IPO9: variants seen among roughly 807,000 people sequenced by gnomAD.
IPO9 encodes the protein importin 9, also known as importin-9.
In IPO9, 28 loss-of-function variants were observed where a neutral mutation model predicts 128.6. The ratio of observed to expected loss-of-function variants is 0.22; its 90% CI spans 0.16 to 0.30. The LOEUF is 0.30. Among genes scored for constraint, IPO9 ranks in the 10% least tolerant of loss-of-function variants. IPO9 has a pLI of 1.00. For synonymous variants in IPO9, 455 were observed against 475.8 expected (o/e 0.96, Z 0.57); for missense variants, 935 against 1,293.9 (o/e 0.72, Z 4.26).
Position 201,858,984 on chromosome 1 carries a change from C to T in IPO9, c.1458C>T (p.Leu486=), listed in dbSNP as rs1680385033. ...TGACCAATGTCATCCTTGCAGACCTCAACCTCTCAGGTATGTTTCAGCACG... is the reference window on the plus strand; with the variant it reads ...TGACCAATGTCATCCTTGCAGACCTTAACCTCTCAGGTATGTTTCAGCACG... ...GFLTNVILAD[L]NLSVSPFLLG... Residue 486 remains leucine, a synonymous_variant, in exon 13 of 24, where the codon CTC becomes CTT. Coordinates refer to ENST00000361565, the MANE Select transcript of IPO9 (RefSeq NM_018085.5). 6.2e-7 allele frequency: 1 copy of T among 1,606,932 alleles called. No homozygotes were observed. The highest frequency in any genetic ancestry group is 2.2e-5 in the East Asian group (1 of 44,636).
intron 12 of IPO9, 133 bp downstream of exon 12, chr1:201,858,686 A>T (rs961007712): frequency 3.7e-6 from 3 of 806,186 alleles, no homozygotes; most frequent in Admixed American, 3.1e-5. Flanking sequence ...ATCTCTTATT[A>T]TTAAAATTTC....
In IPO9 at chr1:201,829,815, AGGC is replaced by A. The variant is rs940680443; in HGVS notation, c.163+447_163+449del. 5.3e-4 allele frequency among the ~76,000 whole-genome samples: 80 copies of A among 152,268 alleles called. 1 individual carries two copies. Among genetic ancestry groups the A allele is most frequent in the African/African-American group, 1.9e-3 (79 of 41,556 alleles). On this transcript the variant is annotated intron_variant, in intron 1 of 23. Coordinates refer to ENST00000361565, the MANE Select transcript of IPO9 (RefSeq NM_018085.5). ...AGTGGTGAAGGGTAGGGCCTCGAAA[AGGC>A]GGCTATCAAAGCTTAATAGATGTCA...
rs1277260808 is a variant in IPO9 at position 201,870,536 on chromosome 1, A to G, written c.2134-47A>G. 6.3e-7 allele frequency: 1 copy of G among 1,584,384 alleles called. No individual in the cohort carries two copies. The highest frequency in any genetic ancestry group is 1.7e-5 in the Admixed American group (1 of 57,950). On this transcript the variant is annotated intron_variant, in intron 17 of 23. Coordinates refer to ENST00000361565, the MANE Select transcript of IPO9 (RefSeq NM_018085.5). The surrounding 1 kb of genome is among the most constrained non-coding windows in gnomAD (Gnocchi z 4.9). ...TTATACAGACTGAGGGCCTTCTGGC[A>G]TCTGTCCCTCGATTACTAATCTTGC...
rs1223038265 is a variant in IPO9 at position 201,881,631 on chromosome 1, G to C, written c.*5577G>C. ...GATTGTGAAGGATCCTTCAAGACCT[G>C]CTTCCTCTAGAGAATGGGAGACTAC... On this transcript the variant is annotated 3_prime_UTR_variant, in exon 24 of 24. Transcript: ENST00000361565. 6.6e-6 allele frequency: 1 copy of C among 152,206 alleles called. No homozygotes were observed. The highest frequency in any genetic ancestry group is 2.4e-5 in the African/African-American group (1 of 41,440). The allele number at this position is 152,206 out of a possible 1,614,324, so 9.4% of individuals were successfully genotyped here.
At chr1:201,874,519 T>A in intron 21 of IPO9, 147 bp downstream of exon 21, 1 of 904,394 alleles carries the variant, frequency 1.1e-6, no homozygotes, top group Middle Eastern at 3.3e-4. Context: ...TGCTAGGCAC[T>A]AGGCATGTAG....
Position 201,852,579 on chromosome 1 carries a change from A to G in IPO9, c.603+387A>G, listed in dbSNP as rs74430074. ...ATAATAGACCCTTAATATATTGCAT[A>G]TATATTTGATTAGTGTGTATATGAA... On this transcript the variant is annotated intron_variant, in intron 5 of 23. Transcript: ENST00000361565. Among the ~76,000 whole-genome samples, 1,208 of 152,268 alleles carry G rather than the reference A, an allele frequency of 7.9e-3. 14 individuals are homozygous for G. The highest frequency in any genetic ancestry group is 0.014 in the Non-Finnish European group (930 of 68,020).
chr1:201,869,761 A>G (rs1464765127), intron 17 of IPO9, 43 bp downstream of exon 17: 15 of 1,608,492 alleles, frequency 9.3e-6, no homozygotes, highest in Non-Finnish European at 1.2e-5. Flanking sequence ...ATAGCTCCCC[A>G]GCCATGGGCT....
At chr1:201,873,045 G>C in intron 20 of IPO9, 84 bp downstream of exon 20, 1 of 1,392,748 alleles carries the variant, frequency 7.2e-7, no homozygotes, top group East Asian at 2.5e-5. Flanking sequence ...ATGCACTGTG[G>C]TGTATATTTT....
chr1:201,860,490 A>G (rs1302040901), intron 13 of IPO9, among the ~76,000 whole-genome samples: 1 of 152,224 alleles, frequency 6.6e-6, no homozygotes, highest in East Asian at 1.9e-4. Context: ...TAGGCATCCC[A>G]TAGTTACACA....
At chr1:201,867,626 A>G (rs900239090) in intron 15 of IPO9, among the ~76,000 whole-genome samples, 2 of 152,078 alleles carry the variant, frequency 1.3e-5, no homozygotes, top group Non-Finnish European at 2.9e-5. Flanking sequence ...AAATACATCA[A>G]AATGTTGAGT....
chr1:201,850,148 T>A (rs1452012279), intron 4 of IPO9, among the ~76,000 whole-genome samples: 1 of 152,240 alleles, frequency 6.6e-6, no homozygotes. Flanking sequence ...GTGAGATCAC[T>A]TTTCTGCCAG....
At chr1:201,845,038 C>T (rs1680101516) in intron 1 of IPO9, among the ~76,000 whole-genome samples, 1 of 150,772 alleles carries the variant, frequency 6.6e-6, no homozygotes, top group African/African-American at 2.4e-5. Context: ...GGGGGGCGTA[C>T]AGAGTTTCCC....
rs1680147174 is a variant in IPO9 at position 201,847,753 on chromosome 1, G to T, written c.312+115G>T. On this transcript the variant is annotated intron_variant, in intron 3 of 23. Transcript: ENST00000361565. The stretch of plus-strand genomic sequence containing the variant: ...AATCAAAAGACTAGGCAGAAAAGGA[G>T]ATTGGTGGCTGGCATTGCGGGCATA... The T allele has an allele frequency of 6.6e-6, 5 of 754,168 alleles. No homozygotes were observed. In the East Asian group the frequency reaches 7.9e-5, roughly 12 times the overall value. The allele number at this position is 754,168 out of a possible 1,614,324, so 46.7% of individuals were successfully genotyped here.
intron 1 of IPO9, among the ~76,000 whole-genome samples, chr1:201,835,306 G>A (rs1289217805): frequency 6.6e-6 from 1 of 152,148 alleles, no homozygotes; most frequent in African/African-American, 2.4e-5. Context: ...GCTCTCCTTT[G>A]GGTTTTCCCT....
chr1:201,866,991 G>T (rs926801646), intron 15 of IPO9, 32 bp downstream of exon 15: 1 of 1,541,300 alleles, frequency 6.5e-7, no homozygotes, highest in East Asian at 2.2e-5. Flanking sequence ...ATTATGAGGG[G>T]CACCAAAGAA....
chr1:201,847,424 G>C, intron 2 of IPO9, 84 bp downstream of exon 2: 5 of 1,393,214 alleles, frequency 3.6e-6, no homozygotes, highest in South Asian at 2.4e-5. Context: ...AATAAGGCCA[G>C]TGTATAAATA....
In IPO9 at chr1:201,876,807, A is replaced by G. The variant is rs1395351240; in HGVS notation, c.*753A>G. ...ATTTTTTTTAAATCCACCTGACCCAACTATATTTAATATGCCTCTCCCACA... is the reference window on the plus strand; with the variant it reads ...ATTTTTTTTAAATCCACCTGACCCAGCTATATTTAATATGCCTCTCCCACA... On this transcript the variant is annotated 3_prime_UTR_variant, in exon 24 of 24. Coordinates refer to ENST00000361565, the MANE Select transcript of IPO9 (RefSeq NM_018085.5). 1 of 152,616 alleles carries G rather than the reference A, an allele frequency of 6.6e-6. No homozygotes were observed. The highest frequency in any genetic ancestry group is 1.5e-5 in the Non-Finnish European group (1 of 68,146). 9.5% of individuals were successfully genotyped at this position (152,616 alleles called of 1,614,324 possible).
Position 201,875,744 on chromosome 1 carries a change from G to A in IPO9, c.3016-200G>A, listed in dbSNP as rs115924198. Reference sequence around the variant, plus strand: ...TAGAGGCTATGTTGTGAAGGTCCTTGGGGTGATACAGCCTTGGAAAAATGT... The same window carrying A: ...TAGAGGCTATGTTGTGAAGGTCCTTAGGGTGATACAGCCTTGGAAAAATGT... On this transcript the variant is annotated intron_variant, in intron 23 of 23. Transcript: ENST00000361565. 9.1e-4 allele frequency among the ~76,000 whole-genome samples: 138 copies of A among 152,220 alleles called. 1 individual carries two copies. Among genetic ancestry groups the A allele is most frequent in the African/African-American group, 3.2e-3 (133 of 41,526 alleles).
intron 15 of IPO9, 68 bp downstream of exon 15, chr1:201,867,027 G>A: frequency 7.7e-7 from 1 of 1,292,720 alleles, no homozygotes; most frequent in Non-Finnish European, 1.1e-6. Flanking sequence ...GAATTTAAAT[G>A]AAAGATTCCC....
Sources: allele counts gnomAD v4.1 joint callset (sites outside exome capture counted in the v4.1 genomes callset), GRCh38; gene constraint gnomAD v4.1.1; non-coding constraint Gnocchi (gnomAD v3.1); transcripts MANE v1.5; gene names NCBI Gene and HGNC (gene_info 2026-07-23, HGNC 2026-07-21).